OSBP: variants seen among roughly 807,000 people sequenced by gnomAD.
OSBP encodes oxysterol-binding protein 1.
A neutral mutation model predicts 96.6 loss-of-function variants in OSBP; 32 were observed. That is an observed-to-expected ratio of 0.33 (90% CI 0.25 to 0.45). OSBP has a LOEUF of 0.45. Ranked by LOEUF, OSBP falls within the 20% of genes least tolerant of loss-of-function variation. OSBP has a pLI of 1.00. For synonymous variants in OSBP, 369 were observed against 389.6 expected, an observed-to-expected ratio of 0.95 and a Z score of 0.62; for missense variants, 653 against 1,029.7, an observed-to-expected ratio of 0.63 and a Z score of 5.01.
At position 59,576,466 on chromosome 11, in the gene OSBP, G is replaced by C. The variant is rs1308304880; in HGVS notation, c.*111C>G. 4.9e-6 allele frequency: 6 copies of C among 1,228,998 alleles called. No homozygotes were observed. Among genetic ancestry groups the C allele is most frequent in the Non-Finnish European group, 4.6e-6 (4 of 878,654 alleles). The allele number at this position is 1,228,998 out of a possible 1,614,324, so 76.1% of individuals were successfully genotyped here. A position where few individuals can be genotyped will look rare whatever the true frequency, so the allele number is the denominator to read the frequency against. On this transcript the variant is annotated 3_prime_UTR_variant, in exon 14 of 14. Coordinates refer to ENST00000263847, the MANE Select transcript of OSBP (RefSeq NM_002556.3). Reference sequence around the variant, plus strand: ...TGATTTGGAAAAAATGATTGGTCAAGAGAGACAAACTTGAGGAAAGCACTT... The same window carrying C: ...TGATTTGGAAAAAATGATTGGTCAACAGAGACAAACTTGAGGAAAGCACTT...
At chr11:59,586,389 G>A (rs1445299115) in intron 9 of OSBP, among the ~76,000 whole-genome samples, 1 of 152,100 alleles carries the variant, frequency 6.6e-6, no homozygotes, top group Non-Finnish European at 1.5e-5. Context: ...GTAAAACATT[G>A]CTGAAAGAAA....
chr11:59,614,535 T>C (rs150986637), intron 1 of OSBP, among the ~76,000 whole-genome samples: 610 of 152,340 alleles, frequency 4.0e-3, no homozygotes, highest in Non-Finnish European at 6.7e-3. Flanking sequence ...ATAAACCTTG[T>C]TGAACAGAAG....
chr11:59,600,988 T>G (rs985801145), intron 5 of OSBP, 115 bp from the exon 6 acceptor site: 3 of 820,160 alleles, frequency 3.7e-6, no homozygotes, highest in African/African-American at 3.4e-5. Context: ...TATTGATGGG[T>G]GATCAAATGA....
intron 8 of OSBP, 32 bp downstream of exon 8, chr11:59,593,978 G>T: frequency 1.2e-6 from 2 of 1,606,434 alleles, no homozygotes; most frequent in Non-Finnish European, 1.7e-6. Flanking sequence ...TCTTCAGAAA[G>T]GAAATGCGTT....
intron 9 of OSBP, among the ~76,000 whole-genome samples, chr11:59,584,615 C>T (rs1860470880): frequency 6.6e-6 from 1 of 152,114 alleles, no homozygotes; most frequent in Admixed American, 6.5e-5. Context: ...AAACACTCAA[C>T]GAGCTAGAAA....
intron 7 of OSBP, among the ~76,000 whole-genome samples, chr11:59,595,444 C>A (rs1324832029): frequency 6.6e-6 from 1 of 152,058 alleles, no homozygotes; most frequent in African/African-American, 2.4e-5. Context: ...TTTGTTCACC[C>A]TTCTACCCAC....
At position 59,580,243 on chromosome 11, in the gene OSBP, G is replaced by C. The variant is rs1204126880; in HGVS notation, c.1809C>G (p.His603Gln). 2 of 1,612,642 alleles carry C rather than the reference G, an allele frequency of 1.2e-6. No homozygotes were observed. The highest frequency in any genetic ancestry group is 8.5e-7 in the Non-Finnish European group (1 of 1,178,880). The change falls in exon 11 of 14, where the codon CAC (histidine) becomes CAG (glutamine). Residue 603 changes from histidine to glutamine, a missense_variant. Physicochemically the swap from His to Gln is conservative, Grantham distance 24. Transcript: ENST00000263847. ...TAAGATTACACTTGTCTCCTGTCTT[G>C]TGATTCACAATATCAATTTCGCCAG... ...DQSGEIDIVN[H>Q]KTGDKCNLKF... is the part of the protein sequence containing the mutation.
intron 9 of OSBP, among the ~76,000 whole-genome samples, chr11:59,583,460 C>T (rs560430128): frequency 2.0e-5 from 3 of 152,136 alleles, no homozygotes; most frequent in South Asian, 4.1e-4. Flanking sequence ...TAATAATTGG[C>T]AGATAAGGAT....
intron 7 of OSBP, chr11:59,595,124 A>G (rs1860632095): frequency 6.5e-6 from 1 of 154,170 alleles, no homozygotes; most frequent in South Asian, 2.1e-4. Flanking sequence ...AACATTGTTC[A>G]TGCTCCCCAC....
rs1223290985 is a variant in OSBP, at chr11:59,615,458, G to A, written c.207C>T (p.Gly69=). The change falls in exon 1 of 14, where the codon GGC becomes GGT. Residue 69 remains glycine, a synonymous_variant. Transcript: ENST00000263847. ...GPGAGGVAAA[G]PAPAPPTGGS... ...CCCCAGTCGGCGGCGCAGGGGCCGG[G>A]CCAGCCGCCGCCACTCCCCCGGCCC... The A allele has an allele frequency of 3.1e-6, 4 of 1,301,514 alleles. No homozygotes were observed. Among genetic ancestry groups the A allele is most frequent in the Non-Finnish European group, 3.9e-6 (4 of 1,018,284 alleles). 80.6% of individuals were successfully genotyped at this position (1,301,514 alleles called of 1,614,324 possible). A position where few individuals can be genotyped will look rare whatever the true frequency, so the allele number is the denominator to read the frequency against.
chr11:59,582,878 T>C (rs1271993699), intron 9 of OSBP, among the ~76,000 whole-genome samples: 1 of 152,210 alleles, frequency 6.6e-6, no homozygotes, highest in Non-Finnish European at 1.5e-5. Context: ...TTTATTTGCC[T>C]AATAAAATGC....
At chr11:59,601,065 T>C (rs995441676) in intron 5 of OSBP, among the ~76,000 whole-genome samples, 192 bp from the exon 6 acceptor site, 1 of 151,270 alleles carries the variant, frequency 6.6e-6, no homozygotes, top group Admixed American at 6.6e-5. Flanking sequence ...AAGCTGACAT[T>C]TTTTCACTTA....
intron 9 of OSBP, among the ~76,000 whole-genome samples, chr11:59,586,178 G>GAAAAAAAAAAAAAAAAAAAA (rs34764421): frequency 1.7e-5 from 1 of 60,402 alleles, no homozygotes; most frequent in Admixed American, 1.4e-4. Flanking sequence ...AATAAATAAA[G>GAAAAAAAAAAAAAAAAAAAA]AAAAAAAAAA....
Position 59,581,523 on chromosome 11 carries a change from C to T in OSBP, c.1710G>A (p.Gly570=). The T allele has an allele frequency of 6.2e-7, 1 of 1,612,116 alleles. No individual in the cohort carries two copies. The highest frequency in any genetic ancestry group is 8.5e-7 in the Non-Finnish European group (1 of 1,178,398). Reference sequence around the variant, plus strand: ...TAACTTTCTTCCAAGTGTAGTGGTGCCCAGTTGCATGGAAAATACAATGAA... The same window carrying T: ...TAACTTTCTTCCAAGTGTAGTGGTGTCCAGTTGCATGGAAAATACAATGAA... ...GTIHCIFHAT[G]HHYTWKKVTT... is the part of the protein sequence containing the mutation. Residue 570 remains glycine (G), a synonymous_variant, in exon 10 of 14, where the codon GGG becomes GGA. Transcript: ENST00000263847.
At chr11:59,601,859 C>G in intron 3 of OSBP, 21 bp from the exon 4 acceptor site, 1 of 1,608,278 alleles carries the variant, frequency 6.2e-7, no homozygotes, top group Non-Finnish European at 8.5e-7. Flanking sequence ...AAAGCGTTGA[C>G]TGTGTCAGCT....
Position 59,581,491 on chromosome 11 carries a change from G to A in OSBP, c.1742C>T (p.Thr581Ile). Residue 581 changes from threonine (T) to isoleucine (I), a missense_variant, in exon 10 of 14, where the codon ACT (threonine) becomes ATT (isoleucine). Coordinates refer to ENST00000263847, the MANE Select transcript of OSBP (RefSeq NM_002556.3). Reference protein sequence around the residue: ...HHYTWKKVTTTVHNIIVGKLW... With the variant: ...HHYTWKKVTTIVHNIIVGKLW... ...CTTGCCCACAATAATGTTGTGTACA[G>A]TTGTGGTAACTTTCTTCCAAGTGTA... is the stretch of plus-strand genomic sequence containing the variant. The A allele has an allele frequency of 6.2e-7, 1 of 1,612,690 alleles. No individual in the cohort carries two copies. The highest frequency in any genetic ancestry group is 8.5e-7 in the Non-Finnish European group (1 of 1,178,814).
chr11:59,608,961 T>C (rs1037469112), intron 2 of OSBP, among the ~76,000 whole-genome samples: 1 of 152,076 alleles, frequency 6.6e-6, no homozygotes, highest in African/African-American at 2.4e-5. Context: ...GGCCCACCCC[T>C]AGAGACTTCA....
chr11:59,579,319 T>C (rs1860393240), intron 11 of OSBP, among the ~76,000 whole-genome samples: 1 of 151,876 alleles, frequency 6.6e-6, no homozygotes, highest in South Asian at 2.1e-4. Flanking sequence ...TGTTTTCCCA[T>C]TTACTTTCTT....
intron 7 of OSBP, among the ~76,000 whole-genome samples, chr11:59,600,123 T>C (rs1349955004): frequency 6.6e-6 from 1 of 151,840 alleles, no homozygotes; most frequent in Non-Finnish European, 1.5e-5. Flanking sequence ...TGTGTCGTAC[T>C]TTCCATAATA....
Sources: allele counts gnomAD v4.1 joint callset (sites outside exome capture counted in the v4.1 genomes callset), GRCh38; gene constraint gnomAD v4.1.1; transcripts MANE v1.5; gene names NCBI Gene and HGNC (gene_info 2026-07-23, HGNC 2026-07-21).